CYRIB: variants seen among roughly 807,000 people sequenced by gnomAD.
CYRIB encodes CYFIP-related Rac1 interactor B.
CYRIB carries 8 observed loss-of-function variants against 44.2 expected under a neutral mutation model. The observed-to-expected ratio is 0.18, with a 90% CI of 0.11 to 0.33. The LOEUF (loss-of-function observed/expected upper bound fraction) is 0.33. CYRIB is among the 10% of genes least tolerant of loss of function. The probability of loss-of-function intolerance (pLI) is 1.00; values close to 1 mark genes in which losing one functional copy is unlikely to be tolerated. For missense variants in CYRIB, 185 were observed against 382.8 expected, an observed-to-expected ratio of 0.48 and a Z score of 4.31; for synonymous variants, 131 against 127.2, an observed-to-expected ratio of 1.03 and a Z score of -0.20.
At chr8:129,937,890 T>C (rs1171841264) in intron 1 of CYRIB, among the ~76,000 whole-genome samples, 1 of 151,424 alleles carries the variant, frequency 6.6e-6, no homozygotes, top group Non-Finnish European at 1.5e-5. Flanking sequence ...ATTCTCTCTC[T>C]CTCTCTCTCT....
At chr8:129,986,128 T>C (rs1441687665) in intron 1 of CYRIB, among the ~76,000 whole-genome samples, 2 of 152,194 alleles carry the variant, frequency 1.3e-5, no homozygotes, top group African/African-American at 4.8e-5. Context: ...TTAAATATTC[T>C]GGCCATCACC....
At chr8:129,943,716 A>G (rs1172882044), upstream of CYRIB, among the ~76,000 whole-genome samples, 4 of 143,320 alleles carry the variant, frequency 2.8e-5, no homozygotes, top group South Asian at 2.3e-4. Context: ...CTCCTGCCTC[A>G]GCCTCCCGAG....
chr8:129,970,366 G>A (rs1377323886), intron 2 of CYRIB: 1 of 151,784 alleles, frequency 6.6e-6, no homozygotes, highest in African/African-American at 2.4e-5. Context: ...ATGGTTTTCC[G>A]TGAAGGCCCT....
intron 2 of CYRIB, among the ~76,000 whole-genome samples, chr8:129,959,883 G>A (rs927646344): frequency 6.6e-6 from 1 of 152,160 alleles, no homozygotes; most frequent in African/African-American, 2.4e-5. Context: ...AGTTTGTTCA[G>A]TGGCTCTAGG....
intron 1 of CYRIB, among the ~76,000 whole-genome samples, chr8:129,996,433 A>C (rs2096768780): frequency 1.3e-5 from 2 of 152,174 alleles, no homozygotes. Flanking sequence ...AGTGCCTGGC[A>C]CACAGTGAAG....
intron 1 of CYRIB, among the ~76,000 whole-genome samples, chr8:129,989,471 T>C (rs1308384743): frequency 2.0e-5 from 3 of 152,086 alleles, no homozygotes; most frequent in Non-Finnish European, 4.4e-5. Flanking sequence ...AGCACCTAAA[T>C]CAACACGTAA....
At chr8:129,872,749 C>A (rs182188982) in intron 3 of CYRIB, among the ~76,000 whole-genome samples, 3 of 151,968 alleles carry the variant, frequency 2.0e-5, no homozygotes, top group African/African-American at 7.2e-5. Context: ...TACTATCACA[C>A]TGGTCTTTTA....
At chr8:129,851,925 A>G (rs1451853161) in intron 8 of CYRIB, 6 of 374,446 alleles carry the variant, frequency 1.6e-5, no homozygotes, top group Admixed American at 4.6e-5. Flanking sequence ...CGCAACCCAG[A>G]GTTTGGTTTG....
chr8:129,942,293 C>A (rs773975313), upstream of CYRIB, among the ~76,000 whole-genome samples: 2 of 152,168 alleles, frequency 1.3e-5, no homozygotes, highest in African/African-American at 2.4e-5. Flanking sequence ...TAGCTGAGAT[C>A]TTGCCTTTGC....
At chr8:129,845,726 C>T (rs1025890421) in intron 11 of CYRIB, among the ~76,000 whole-genome samples, 1 of 152,106 alleles carries the variant, frequency 6.6e-6, no homozygotes, top group African/African-American at 2.4e-5. Flanking sequence ...TTTCTGTGTT[C>T]ATGTAATTTT....
intron 4 of CYRIB, among the ~76,000 whole-genome samples, chr8:129,863,978 G>A (rs1587783930): frequency 6.6e-6 from 1 of 152,052 alleles, no homozygotes; most frequent in South Asian, 2.1e-4. Flanking sequence ...TACTCCCAAG[G>A]CACTAGTATT....
At chr8:129,960,962 A>AAAAAAAAG (rs1554714379) in intron 2 of CYRIB, among the ~76,000 whole-genome samples, 1 of 149,908 alleles carries the variant, frequency 6.7e-6, no homozygotes, top group African/African-American at 2.4e-5. Context: ...AAAAAAAAAA[A>AAAAAAAAG]AAAGAAAGAA....
At chr8:129,893,832 CTT>C (rs200158243) in intron 2 of CYRIB, among the ~76,000 whole-genome samples, 2 of 143,090 alleles carry the variant, frequency 1.4e-5, no homozygotes. Flanking sequence ...CACACTAGGC[CTT>C]TTTTTTTTTT....
At chr8:129,892,143 C>G (rs1402586894) in intron 2 of CYRIB, among the ~76,000 whole-genome samples, 1 of 152,124 alleles carries the variant, frequency 6.6e-6, no homozygotes, top group Non-Finnish European at 1.5e-5. Context: ...AGCACAGAAA[C>G]ACATCCTGCT....
intron 3 of CYRIB, among the ~76,000 whole-genome samples, chr8:129,872,013 G>A (rs1370523422): frequency 2.6e-5 from 4 of 151,898 alleles, no homozygotes; most frequent in Admixed American, 6.6e-5. Context: ...TAGTTTTTAG[G>A]TGCTCACCCC....
At chr8:129,953,525 ACACAC>A (rs2094611621) in intron 2 of CYRIB, among the ~76,000 whole-genome samples, 1 of 152,170 alleles carries the variant, frequency 6.6e-6, no homozygotes, top group South Asian at 2.1e-4. Flanking sequence ...TGTTTACAGC[ACACAC>A]CATCACTGCA....
chr8:130,006,118 C>A (rs1477739895), intron 1 of CYRIB, among the ~76,000 whole-genome samples: 1 of 152,076 alleles, frequency 6.6e-6, no homozygotes, highest in African/African-American at 2.4e-5. Context: ...ACCTGGCCAA[C>A]ATGGTAAAAT....
rs1564800827 is a variant in CYRIB at position 130,006,653 on chromosome 8, T to TATATATGTGTATATATATACAC, written c.-296+9716_-296+9717insGTGTATATATATACACATATAT. On this transcript the variant is annotated intron_variant, in intron 1 of 14. Coordinates refer to the CYRIB transcript ENST00000401979. ...ACATATATATGTGTATATATATACA[T>TATATATGTGTATATATATACAC]ATATATATGTATATATATATGTATA... is the stretch of plus-strand genomic sequence containing the variant. Among the ~76,000 whole-genome samples the TATATATGTGTATATATATACAC allele has an allele frequency of 1.3e-3, 58 of 46,210 alleles. 1 individual carries two copies. The highest frequency in any genetic ancestry group is 2.3e-3 in the African/African-American group (44 of 19,390). 30.3% of individuals were successfully genotyped at this position (46,210 alleles called of 152,430 possible).
intron 1 of CYRIB, among the ~76,000 whole-genome samples, chr8:129,931,336 A>G (rs1001680026): frequency 6.6e-6 from 1 of 152,222 alleles, no homozygotes; most frequent in African/African-American, 2.4e-5. Context: ...GGTTTGATAT[A>G]AAGAAAGCAA....
Sources: allele counts gnomAD v4.1 joint callset (sites outside exome capture counted in the v4.1 genomes callset), GRCh38; gene constraint gnomAD v4.1.1; transcripts MANE v1.5; gene names NCBI Gene and HGNC (gene_info 2026-07-23, HGNC 2026-07-21).